LPP: variants seen among roughly 807,000 people sequenced by gnomAD.
The protein encoded by LPP is LIM domain containing preferred translocation partner in lipoma, also known as lipoma-preferred partner.
LPP carries 38 observed loss-of-function variants against 60.4 expected under a neutral mutation model. That is an observed-to-expected ratio of 0.63 (90% confidence interval 0.49 to 0.83). LPP has a LOEUF of 0.83. LPP is among the 40% of genes least tolerant of loss of function. The pLI is 0.00. For synonymous variants in LPP, 328 were observed against 290.8 expected, an observed-to-expected ratio of 1.13 and a Z score of -1.30; for missense variants, 902 against 783.6, an observed-to-expected ratio of 1.15 and a Z score of -1.80.
At chr3:188,367,082 G>C (rs1771418210) in intron 3 of LPP, among the ~76,000 whole-genome samples, 1 of 152,036 alleles carries the variant, frequency 6.6e-6, no homozygotes, top group Non-Finnish European at 1.5e-5. Flanking sequence ...ATTTTTAGTA[G>C]AGACGGGGTT....
At chr3:188,717,975 G>A (rs1193485585) in intron 8 of LPP, among the ~76,000 whole-genome samples, 2 of 152,078 alleles carry the variant, frequency 1.3e-5, no homozygotes, top group African/African-American at 4.8e-5. Context: ...ATGCCAGCAT[G>A]CCAGGCTAAT....
At chr3:188,304,510 C>G (rs1577976670) in intron 2 of LPP, among the ~76,000 whole-genome samples, 1 of 152,162 alleles carries the variant, frequency 6.6e-6, no homozygotes, top group Non-Finnish European at 1.5e-5. Context: ...CTTTCTCTCC[C>G]CTTTAAATCT....
intron 6 of LPP, among the ~76,000 whole-genome samples, chr3:188,551,211 T>A (rs951794807): frequency 2.0e-5 from 3 of 152,116 alleles, no homozygotes; most frequent in Non-Finnish European, 2.9e-5. Context: ...GAAAGGCACT[T>A]CTTACATGGC....
At chr3:188,744,777 C>T (rs1725593688) in intron 8 of LPP, among the ~76,000 whole-genome samples, 4 of 152,052 alleles carry the variant, frequency 2.6e-5, no homozygotes, top group Admixed American at 2.6e-4. Flanking sequence ...ATGGTCATCC[C>T]ATTTTTTACT....
chr3:188,163,944 C>T (rs1220438854), intron 1 of LPP, among the ~76,000 whole-genome samples: 3 of 124,968 alleles, frequency 2.4e-5, no homozygotes, highest in African/African-American at 8.6e-5. Context: ...GAGCAAGACT[C>T]TGTCTCCAAA....
intron 2 of LPP, among the ~76,000 whole-genome samples, chr3:188,240,641 A>G (rs1187452023): frequency 6.6e-6 from 1 of 152,264 alleles, no homozygotes; most frequent in African/African-American, 2.4e-5. Context: ...TTCATATAAA[A>G]AAGCGTAATC....
chr3:188,778,052 C>G (rs566351504), intron 9 of LPP, among the ~76,000 whole-genome samples: 16 of 152,106 alleles, frequency 1.1e-4, no homozygotes, highest in Non-Finnish European at 1.5e-4. Flanking sequence ...TTTAATCAGC[C>G]TCAAAAATTC....
intron 7 of LPP, among the ~76,000 whole-genome samples, chr3:188,696,322 G>A (rs547964086): frequency 9.2e-5 from 14 of 152,196 alleles, no homozygotes; most frequent in African/African-American, 3.4e-4. Context: ...GATGATATTA[G>A]TTTCTTAATT....
intron 2 of LPP, among the ~76,000 whole-genome samples, chr3:188,228,134 T>C (rs1227201281): frequency 6.6e-6 from 1 of 152,226 alleles, no homozygotes; most frequent in Non-Finnish European, 1.5e-5. Context: ...CTGCACTGTC[T>C]ACACGAGGAT....
At chr3:188,625,565 C>T (rs1205217774) in intron 7 of LPP, among the ~76,000 whole-genome samples, 1 of 152,118 alleles carries the variant, frequency 6.6e-6, no homozygotes, top group Admixed American at 6.5e-5. Flanking sequence ...TCCAATTTTT[C>T]ATACTATATA....
At chr3:188,222,315 C>A (rs1471921484) in intron 1 of LPP, among the ~76,000 whole-genome samples, 2 of 151,992 alleles carry the variant, frequency 1.3e-5, no homozygotes, top group Non-Finnish European at 2.9e-5. Flanking sequence ...TGGTTTTAGT[C>A]CACATAAATT....
chr3:188,417,293 C>T (rs750750920), intron 4 of LPP, among the ~76,000 whole-genome samples: 1 of 151,784 alleles, frequency 6.6e-6, no homozygotes, highest in South Asian at 2.1e-4. Flanking sequence ...AATTTAGTGC[C>T]GTAATATAAT....
chr3:188,264,719 A>G (rs1734846332), intron 2 of LPP, among the ~76,000 whole-genome samples: 1 of 151,988 alleles, frequency 6.6e-6, no homozygotes, highest in Admixed American at 6.6e-5. Context: ...TTCTTTCGTC[A>G]TTGTCCTGGT....
chr3:188,265,456 T>A (rs908247163), intron 2 of LPP, among the ~76,000 whole-genome samples: 88 of 152,136 alleles, frequency 5.8e-4, no homozygotes, highest in African/African-American at 2.1e-3. Context: ...AGGGTGATGG[T>A]TACAGGTATA....
intron 8 of LPP, among the ~76,000 whole-genome samples, chr3:188,758,249 C>T (rs1731030954): frequency 6.6e-6 from 1 of 152,130 alleles, no homozygotes; most frequent in African/African-American, 2.4e-5. Context: ...CAACCTCTGC[C>T]TCCCGGGTTC....
chr3:188,202,368 T>TA (rs1731319972), intron 1 of LPP, among the ~76,000 whole-genome samples: 1 of 152,168 alleles, frequency 6.6e-6, no homozygotes, highest in South Asian at 2.1e-4. Flanking sequence ...GCCACACAGA[T>TA]ACTGTCTCCA....
intron 9 of LPP, among the ~76,000 whole-genome samples, chr3:188,833,904 T>C (rs1354301460): frequency 1.3e-5 from 2 of 152,236 alleles, no homozygotes; most frequent in East Asian, 3.8e-4. Flanking sequence ...TATATGTATT[T>C]TTCAGGGTGT....
chr3:188,400,480 A>G (rs1781985749), intron 3 of LPP, among the ~76,000 whole-genome samples: 1 of 152,184 alleles, frequency 6.6e-6, no homozygotes, highest in African/African-American at 2.4e-5. Flanking sequence ...TAAACCTTCA[A>G]TAAACACTTG....
At chr3:188,842,051 G>A (rs1011355065) in intron 9 of LPP, among the ~76,000 whole-genome samples, 6 of 152,090 alleles carry the variant, frequency 3.9e-5, no homozygotes, top group African/African-American at 1.2e-4. Context: ...TCTCTTGCCC[G>A]ATTGCACTGG....
Sources: gnomAD v4.1 joint callset for allele counts (sites outside exome capture counted in the v4.1 genomes callset) on GRCh38, gnomAD v4.1.1 for gene constraint, MANE v1.5 for transcripts, NCBI Gene and HGNC (gene_info 2026-07-23, HGNC 2026-07-21) for gene names.